Variants in CNTN5 observed in about 807,000 individuals in gnomAD.
The protein encoded by CNTN5 is contactin-5.
In CNTN5, 77 loss-of-function variants were observed where a neutral mutation model predicts 129.1. The observed-to-expected ratio is 0.60, with a 90% CI of 0.50 to 0.72. CNTN5 has a LOEUF of 0.72. CNTN5 is among the 30% of genes least tolerant of loss of function. CNTN5 has a pLI of 0.00. For synonymous variants in CNTN5, 509 were observed against 465.6 expected, an observed-to-expected ratio of 1.09 and a Z score of -1.20; for missense variants, 1,478 against 1,328.8, an observed-to-expected ratio of 1.11 and a Z score of -1.75.
intron 24 of CNTN5, among the ~76,000 whole-genome samples, chr11:100,354,712 T>TTAC (rs758297076): frequency 2.6e-5 from 4 of 151,730 alleles, no homozygotes; most frequent in Non-Finnish European, 4.4e-5. Flanking sequence ...ATGGTATAGC[T>TTAC]TACTATACAC....
Position 99,844,850 on chromosome 11 carries a change from A to G in CNTN5, c.278-2A>G, listed in dbSNP as rs1445722448. 1 of 1,609,464 alleles carries G rather than the reference A, an allele frequency of 6.2e-7. No individual in the cohort carries two copies. Among genetic ancestry groups the G allele is most frequent in the Non-Finnish European group, 8.5e-7 (1 of 1,178,346 alleles). On this transcript the variant is annotated splice_acceptor_variant, in intron 4 of 24. Transcript: ENST00000524871. LOFTEE classifies it high-confidence loss of function. Reference sequence around the variant, plus strand: ...TAAAATGTGTCTGTTTTGTCTTTACAGAAAGTGTGGACTATGGGCCAGTTT... The same window carrying G: ...TAAAATGTGTCTGTTTTGTCTTTACGGAAAGTGTGGACTATGGGCCAGTTT...
chr11:100,327,350 G>A (rs1235980995), intron 21 of CNTN5, among the ~76,000 whole-genome samples: 1 of 152,130 alleles, frequency 6.6e-6, no homozygotes, highest in Non-Finnish European at 1.5e-5. Flanking sequence ...CTGCCTAACT[G>A]TACTTTCTTC....
At chr11:99,324,757 T>C (rs1865709916) in intron 1 of CNTN5, among the ~76,000 whole-genome samples, 1 of 152,082 alleles carries the variant, frequency 6.6e-6, no homozygotes. Context: ...TTCTCCTGCC[T>C]CAGCCTCCCA....
chr11:99,434,758 A>T (rs1943535200), intron 2 of CNTN5, among the ~76,000 whole-genome samples: 1 of 152,172 alleles, frequency 6.6e-6, no homozygotes, highest in African/African-American at 2.4e-5. Context: ...ATATTTCTGT[A>T]TAACAGGTGC....
chr11:99,835,155 A>T (rs1210900122), intron 4 of CNTN5, among the ~76,000 whole-genome samples: 9 of 152,232 alleles, frequency 5.9e-5, no homozygotes, highest in Admixed American at 3.3e-4. Flanking sequence ...GGGTAAGATC[A>T]GTACCATCAC....
rs183268557 is a variant in CNTN5, at chr11:99,149,818, G to A, written c.-210+128548G>A. On this transcript the variant is annotated intron_variant, in intron 1 of 24. Coordinates refer to ENST00000524871, the MANE Select transcript of CNTN5 (RefSeq NM_014361.4). ...CACACACAAAAAAATGTATGAGAAA[G>A]TGAGGTTGTCTTTTACATAAGTAAT... is the stretch of plus-strand genomic sequence containing the variant. Among the ~76,000 whole-genome samples, 73 of 152,126 alleles carry A rather than the reference G, an allele frequency of 4.8e-4. 1 individual carries two copies. In the East Asian group the frequency reaches 7.7e-3, roughly 16 times the overall value.
intron 13 of CNTN5, among the ~76,000 whole-genome samples, chr11:100,119,718 A>T (rs1945952493): frequency 1.3e-5 from 2 of 151,888 alleles, no homozygotes; most frequent in Non-Finnish European, 2.9e-5. Context: ...GCTAGAGTAG[A>T]TGCTTAAAGA....
At chr11:99,336,512 C>T (rs1348927144) in intron 2 of CNTN5, among the ~76,000 whole-genome samples, 2 of 151,560 alleles carry the variant, frequency 1.3e-5, no homozygotes, top group Non-Finnish European at 2.9e-5. Context: ...TCTATTTATT[C>T]CACAATTTTC....
intron 3 of CNTN5, among the ~76,000 whole-genome samples, chr11:99,777,568 T>C (rs1014140597): frequency 1.6e-4 from 24 of 151,764 alleles, no homozygotes; most frequent in African/African-American, 4.8e-4. Flanking sequence ...TTATATAAGG[T>C]CAATCAAAAA....
At chr11:100,150,930 T>G (rs1234233128) in intron 13 of CNTN5, among the ~76,000 whole-genome samples, 1 of 151,954 alleles carries the variant, frequency 6.6e-6, no homozygotes. Context: ...ATGAAGGAAT[T>G]AGTGAGCTTA....
intron 2 of CNTN5, among the ~76,000 whole-genome samples, chr11:99,490,647 A>G (rs1469624179): frequency 6.6e-6 from 1 of 152,196 alleles, no homozygotes; most frequent in Non-Finnish European, 1.5e-5. Context: ...AGCCAACATG[A>G]GGCTGTATTA....
intron 3 of CNTN5, among the ~76,000 whole-genome samples, chr11:99,804,130 T>C (rs1169502974): frequency 1.3e-5 from 2 of 152,166 alleles, no homozygotes; most frequent in African/African-American, 2.4e-5. Flanking sequence ...CTGGTGGTTT[T>C]CAGTCAATAT....
At chr11:99,229,362 C>G (rs1165846416) in intron 1 of CNTN5, among the ~76,000 whole-genome samples, 1 of 151,946 alleles carries the variant, frequency 6.6e-6, no homozygotes, top group Non-Finnish European at 1.5e-5. Context: ...CTTTTCTAAG[C>G]TATACAGGTG....
intron 3 of CNTN5, among the ~76,000 whole-genome samples, chr11:99,599,434 G>A (rs1468690471): frequency 2.6e-5 from 4 of 152,018 alleles, no homozygotes; most frequent in Non-Finnish European, 5.9e-5. Context: ...ATATCTGTAA[G>A]ATTTTATAAG....
chr11:100,087,711 G>C (rs1405870183), intron 13 of CNTN5, among the ~76,000 whole-genome samples: 2 of 151,902 alleles, frequency 1.3e-5, no homozygotes, highest in Non-Finnish European at 2.9e-5. Flanking sequence ...TAGAGCATTA[G>C]ACAGATCATC....
chr11:99,527,798 G>A lies in CNTN5; in HGVS notation c.-70-28347G>A, dbSNP rs148920138. Among the ~76,000 whole-genome samples, 699 of 152,270 alleles carry A rather than the reference G, an allele frequency of 4.6e-3. 3 individuals carry two copies. Among genetic ancestry groups the A allele is most frequent in the African/African-American group, 0.016 (666 of 41,566 alleles). Reference sequence around the variant, plus strand: ...ACACCTCACGAAGGCATAAGGCAAAGGCAGAGTTGGAAAAAATTTATTATC... The same window carrying A: ...ACACCTCACGAAGGCATAAGGCAAAAGCAGAGTTGGAAAAAATTTATTATC... On this transcript the variant is annotated intron_variant, in intron 2 of 24. Transcript: ENST00000524871.
intron 6 of CNTN5, among the ~76,000 whole-genome samples, chr11:99,883,100 A>T (rs572165545): frequency 6.6e-6 from 1 of 152,280 alleles, no homozygotes; most frequent in East Asian, 1.9e-4. Context: ...TATAAGTACC[A>T]CATTTTCTTC....
At chr11:100,219,013 T>G (rs1949203473) in intron 15 of CNTN5, among the ~76,000 whole-genome samples, 1 of 152,316 alleles carries the variant, frequency 6.6e-6, no homozygotes, top group South Asian at 2.1e-4. Flanking sequence ...AATATAAATT[T>G]AGGAATCAGT....
Position 99,687,192 on chromosome 11 carries a change from T to C in CNTN5, c.55+130923T>C, listed in dbSNP as rs1006560903. 4.6e-5 allele frequency among the ~76,000 whole-genome samples: 7 copies of C among 152,128 alleles called. No homozygotes were observed. The East Asian group carries it at 1.2e-3, about 25-fold the overall frequency. On this transcript the variant is annotated intron_variant, in intron 3 of 24. Transcript: ENST00000524871. The stretch of plus-strand genomic sequence containing the variant: ...TACACTGTTATTTAGTTGGGTATTA[T>C]AACAGAAACGAAAGAAAAGAATGTA...
Sources: gnomAD v4.1 joint callset for allele counts (sites outside exome capture counted in the v4.1 genomes callset) on GRCh38, gnomAD v4.1.1 for gene constraint, MANE v1.5 for transcripts, NCBI Gene and HGNC (gene_info 2026-07-23, HGNC 2026-07-21) for gene names.